Variants in YIPF5 observed in about 807,000 individuals in gnomAD.
YIPF5 encodes Yip1 domain family member 5.
YIPF5 carries 8 observed loss-of-function variants against 30.4 expected under a neutral mutation model. That is an observed-to-expected ratio of 0.26 (90% CI 0.15 to 0.47). The LOEUF (loss-of-function observed/expected upper bound fraction) is 0.47, where lower values mean the gene tolerates loss of function less well. YIPF5 is among the 20% of genes least tolerant of loss of function. The probability of loss-of-function intolerance (pLI) is 0.99; values close to 1 mark genes in which losing one functional copy is unlikely to be tolerated. For missense variants in YIPF5, 282 were observed against 301.8 expected (o/e 0.93, Z 0.49); for synonymous variants, 104 against 107.9 (o/e 0.96, Z 0.23).
At chr5:144,168,631 C>T (rs1463359680) in intron 2 of YIPF5, among the ~76,000 whole-genome samples, 2 of 152,096 alleles carry the variant, frequency 1.3e-5, no homozygotes, top group African/African-American at 2.4e-5. Flanking sequence ...AAATGAATCA[C>T]GGGGTATTTT....
chr5:144,162,095 C>T (rs1042890044), intron 5 of YIPF5, 123 bp downstream of exon 5: 2 of 1,055,334 alleles, frequency 1.9e-6, no homozygotes, highest in Non-Finnish European at 1.4e-6. Context: ...GGCACTGTCC[C>T]TACTACAAGA....
chr5:144,162,498 T>G, intron 4 of YIPF5, 99 bp from the exon 5 acceptor site: 1 of 1,077,318 alleles, frequency 9.3e-7, no homozygotes, highest in South Asian at 1.6e-5. Context: ...TTTATGAGCA[T>G]CAAAATCTAC....
Position 144,165,803 on chromosome 5 carries a change from T to C in YIPF5, c.111-199A>G, listed in dbSNP as rs145829657. On this transcript the variant is annotated intron_variant, in intron 2 of 5. Transcript: ENST00000274496. ...CTTATTATCTACAATAAAAAAATCA[T>C]AATTTTTATAGAAAATATTCTTAAT... is the stretch of plus-strand genomic sequence containing the variant. Among the ~76,000 whole-genome samples, 6 of 152,314 alleles carry C rather than the reference T, an allele frequency of 3.9e-5. No homozygotes were observed. In the East Asian group the frequency reaches 5.8e-4, roughly 15 times the overall value.
rs1449978649 is a variant in YIPF5 at position 144,158,525 on chromosome 5, T to C, written c.*1872A>G. On this transcript the variant is annotated 3_prime_UTR_variant, in exon 6 of 6. Transcript: ENST00000274496. ...AACCAACAGCGAGATAATTTTAATT[T>C]CCAAAGCATCTTCTACCGTTTATTA... 4 of 1,213,410 alleles carry C rather than the reference T, an allele frequency of 3.3e-6. No individual in the cohort carries two copies. Among genetic ancestry groups the C allele is most frequent in the Non-Finnish European group, 4.2e-6 (4 of 960,984 alleles). 75.2% of individuals were successfully genotyped at this position (1,213,410 alleles called of 1,614,324 possible). A position where few individuals can be genotyped will look rare whatever the true frequency, so the allele number is the denominator to read the frequency against.
At position 144,160,291 on chromosome 5, in the gene YIPF5, TA is replaced by T. The variant is rs941136436; in HGVS notation, c.*105del. On this transcript the variant is annotated 3_prime_UTR_variant, in exon 6 of 6. Transcript: ENST00000274496. ...CTTTCATTGCTCCAACAGTCAAATGTAAATCTGCATGAGAGTTGCGCTGCAG... is the reference window on the plus strand; with the variant it reads ...CTTTCATTGCTCCAACAGTCAAATGTAATCTGCATGAGAGTTGCGCTGCAG... 1 of 1,509,338 alleles carries T rather than the reference TA, an allele frequency of 6.6e-7. No individual in the cohort carries two copies. The highest frequency in any genetic ancestry group is 1.4e-5 in the African/African-American group (1 of 71,632). The allele number at this position is 1,509,338 out of a possible 1,614,324, so 93.5% of individuals were successfully genotyped here. A position where few individuals can be genotyped will look rare whatever the true frequency, so the allele number is the denominator to read the frequency against.
Position 144,162,267 on chromosome 5 carries a change from G to T in YIPF5, c.562C>A (p.Leu188Ile). The change falls in exon 5 of 6, where the codon CTT (leucine) becomes ATT (isoleucine). Residue 188 changes from leucine to isoleucine, a missense_variant. Physicochemically the swap from Leu to Ile is conservative, Grantham distance 5 (BLOSUM62 2). Transcript: ENST00000274496. ...GCVASVLGYC[L>I]LPMILLSSFA... ...CTGGAAAGTAGGATCATGGGCAGAA[G>T]ACAATATCCAAGGACACTTGCCACA... The T allele has an allele frequency of 6.2e-7, 1 of 1,614,074 alleles. No homozygotes were observed. Among genetic ancestry groups the T allele is most frequent in the South Asian group, 1.1e-5 (1 of 91,072 alleles).
In YIPF5 at chr5:144,162,357, T is replaced by G. The variant is rs748159992; in HGVS notation, c.472A>C (p.Ile158Leu). The stretch of plus-strand genomic sequence containing the variant: ...AAACAAAACATTCCTAGACATCCAA[T>G]TGCACTGATCCCGTATACATAGCCA... ...QFGYVYGISA[I>L]GCLGMFCLLN... The change falls in exon 5 of 6, where the codon ATT becomes CTT. Residue 158 changes from isoleucine (I) to leucine (L), a missense_variant. Physicochemically the swap from Ile to Leu is conservative, Grantham distance 5. Transcript: ENST00000274496. 1.2e-6 allele frequency: 2 copies of G among 1,613,896 alleles called. No individual in the cohort carries two copies. The highest frequency in any genetic ancestry group is 2.7e-5 in the African/African-American group (2 of 74,918).
At chr5:144,164,404 G>A in intron 3 of YIPF5, 148 bp from the exon 4 acceptor site, 2 of 751,048 alleles carry the variant, frequency 2.7e-6, no homozygotes, top group Non-Finnish European at 2.1e-6. Flanking sequence ...TATAATTATT[G>A]TGATAGGGTC....
In YIPF5 at chr5:144,158,292, A is replaced by G. The variant is rs1751924859; in HGVS notation, c.*2105T>C. On this transcript the variant is annotated 3_prime_UTR_variant, in exon 6 of 6. Transcript: ENST00000274496. ...ACTCTAGAACATCAAATGCAACTCC[A>G]CTGCATAGCTGTTTTGACAGAGCAA... 5.3e-6 allele frequency: 3 copies of G among 565,254 alleles called. No homozygotes were observed. The Middle Eastern group carries it at 1.0e-3, about 192-fold the overall frequency. The allele number at this position is 565,254 out of a possible 1,614,324, so 35.0% of individuals were successfully genotyped here.
rs1751950237 is a variant in YIPF5, at chr5:144,159,002, T to C, written c.*1395A>G. On this transcript the variant is annotated 3_prime_UTR_variant, in exon 6 of 6. Coordinates refer to ENST00000274496, the MANE Select transcript of YIPF5 (RefSeq NM_030799.9). ...GCTTTGTCCAGAATCAGAGACAGTT[T>C]TTCTAGAAAAAGCCAATGATCAGTA... is the stretch of plus-strand genomic sequence containing the variant. 1 of 985,042 alleles carries C rather than the reference T, an allele frequency of 1.0e-6. No homozygotes were observed. Among genetic ancestry groups the C allele is most frequent in the Non-Finnish European group, 1.2e-6 (1 of 829,746 alleles). 61.0% of individuals were successfully genotyped at this position (985,042 alleles called of 1,614,324 possible). A position where few individuals can be genotyped will look rare whatever the true frequency, so the allele number is the denominator to read the frequency against.
At position 144,158,792 on chromosome 5, in the gene YIPF5, T is replaced by C. The variant is rs887500639; in HGVS notation, c.*1605A>G. The C allele has an allele frequency of 1.8e-4, 176 of 988,314 alleles. No individual in the cohort carries two copies. Among genetic ancestry groups the C allele is most frequent in the Non-Finnish European group, 2.1e-4 (171 of 831,890 alleles). The allele number at this position is 988,314 out of a possible 1,614,324, so 61.2% of individuals were successfully genotyped here. On this transcript the variant is annotated 3_prime_UTR_variant, in exon 6 of 6. Coordinates refer to ENST00000274496, the MANE Select transcript of YIPF5 (RefSeq NM_030799.9). The stretch of plus-strand genomic sequence containing the variant: ...TCCAGACGATTAATGAAGAAAAACA[T>C]ACTTATGTGAATCAATAAATATGTT...
At position 144,158,686 on chromosome 5, in the gene YIPF5, T is replaced by C. The variant is rs1751938677; in HGVS notation, c.*1711A>G. Reference sequence around the variant, plus strand: ...TGGTTAAGTTGGAAAGCCTATCAAATTACCTTCCAAATTGCTTTTTTAAAG... The same window carrying C: ...TGGTTAAGTTGGAAAGCCTATCAAACTACCTTCCAAATTGCTTTTTTAAAG... On this transcript the variant is annotated 3_prime_UTR_variant, in exon 6 of 6. Coordinates refer to ENST00000274496, the MANE Select transcript of YIPF5 (RefSeq NM_030799.9). The C allele has an allele frequency of 5.9e-6, 6 of 1,020,020 alleles. No homozygotes were observed. Among genetic ancestry groups the C allele is most frequent in the African/African-American group, 1.7e-5 (1 of 57,558 alleles). 63.2% of individuals were successfully genotyped at this position (1,020,020 alleles called of 1,614,324 possible). A position where few individuals can be genotyped will look rare whatever the true frequency, so the allele number is the denominator to read the frequency against.
intron 4 of YIPF5, among the ~76,000 whole-genome samples, chr5:144,162,806 G>T (rs953676274): frequency 3.9e-5 from 6 of 152,076 alleles, no homozygotes; most frequent in African/African-American, 1.4e-4. Flanking sequence ...CACCAAAAAT[G>T]CCCCAAAGCA....
chr5:144,164,092 G>A lies in YIPF5; in HGVS notation c.429+19C>T, dbSNP rs761302325. The A allele has an allele frequency of 1.2e-6, 2 of 1,606,402 alleles. No individual in the cohort carries two copies. Among genetic ancestry groups the A allele is most frequent in the Admixed American group, 1.7e-5 (1 of 58,134 alleles). ...GCTGTTCTTTAATTGCACCCTGAAG[G>A]TTGAAATGAAAATCTTACCAGTAGC... On this transcript the variant is annotated intron_variant, in intron 4 of 5. Transcript: ENST00000274496.
chr5:144,162,023 G>C (rs1475157271), intron 5 of YIPF5, among the ~76,000 whole-genome samples, 195 bp downstream of exon 5: 1 of 152,198 alleles, frequency 6.6e-6, no homozygotes, highest in African/African-American at 2.4e-5. Flanking sequence ...GAGTAAAATA[G>C]AGATGGTATA....
chr5:144,169,874 A>C lies in YIPF5; in HGVS notation c.82T>G (p.Tyr28Asp). ...IDDQSQQSYD[Y>D]GGSGGPYSKQ... ...CTATAGGGTCCTCCACTTCCTCCAT[A>C]ATCATAGGACTGCTGTGACTGATCA... The change falls in exon 2 of 6, where the codon TAT becomes GAT. Residue 28 changes from tyrosine to aspartate, a missense_variant. Physicochemically the swap from Tyr to Asp is radical, Grantham distance 160. Transcript: ENST00000274496. 1 of 1,614,198 alleles carries C rather than the reference A, an allele frequency of 6.2e-7. No individual in the cohort carries two copies. The highest frequency in any genetic ancestry group is 8.5e-7 in the Non-Finnish European group (1 of 1,180,032).
rs552065539 is a variant in YIPF5 at position 144,159,669 on chromosome 5, C to A, written c.*728G>T. 1 of 983,526 alleles carries A rather than the reference C, an allele frequency of 1.0e-6. No homozygotes were observed. Among genetic ancestry groups the A allele is most frequent in the Non-Finnish European group, 1.2e-6 (1 of 829,564 alleles). 60.9% of individuals were successfully genotyped at this position (983,526 alleles called of 1,614,324 possible). ...ACAAGGCAATTTTTCTTTCCTAAAT[C>A]CTTGGAAAAATATTTTTGCAGTAAG... On this transcript the variant is annotated 3_prime_UTR_variant, in exon 6 of 6. Transcript: ENST00000274496.
intron 2 of YIPF5, among the ~76,000 whole-genome samples, chr5:144,168,029 T>C (rs1252095664): frequency 6.6e-6 from 1 of 152,228 alleles, no homozygotes; most frequent in Non-Finnish European, 1.5e-5. Context: ...ATTAGGCTTC[T>C]TGTTTTCCCA....
At chr5:144,170,006 G>A (rs765712552) in intron 1 of YIPF5, 41 bp from the exon 2 acceptor site, 34 of 1,513,332 alleles carry the variant, frequency 2.2e-5, no homozygotes, top group Non-Finnish European at 2.8e-5. Flanking sequence ...TTATGCCCAA[G>A]GTTCTACTGA....
Sources: allele counts gnomAD v4.1 joint callset (sites outside exome capture counted in the v4.1 genomes callset), GRCh38; gene constraint gnomAD v4.1.1; transcripts MANE v1.5; gene names NCBI Gene and HGNC (gene_info 2026-07-23, HGNC 2026-07-21).